YTHDC2: variants seen among roughly 807,000 people sequenced by gnomAD.
YTHDC2 encodes 3'-5' RNA helicase YTHDC2.
In YTHDC2, 45 loss-of-function variants were observed where a neutral mutation model predicts 174.9. That is an observed-to-expected ratio of 0.26 (90% CI 0.20 to 0.33). YTHDC2 has a LOEUF of 0.33. Ranked by LOEUF, YTHDC2 falls within the 10% of genes least tolerant of loss-of-function variation. YTHDC2 has a pLI of 1.00. For synonymous variants in YTHDC2, 657 were observed against 574.5 expected, an observed-to-expected ratio of 1.14 and a Z score of -2.05; for missense variants, 1,650 against 1,723.7, an observed-to-expected ratio of 0.96 and a Z score of 0.76.
In YTHDC2 at chr5:113,581,554, A is replaced by T; in HGVS notation, c.3492A>T (p.Glu1164Asp). The change falls in exon 25 of 30, where the codon GAA becomes GAT. Residue 1164 changes from glutamate (E) to aspartate (D), a missense_variant. Around this residue, in one of 5 missense-constraint regions of YTHDC2, gnomAD observed 913 missense variants for 940.4 expected, o/e 0.97. Transcript: ENST00000161863. ...TTATAGCTGTTTTAAGCACTGAAGA[A>T]CAGTCTGCAGGTTTACAACAACCAT... The part of the protein sequence containing the change: ...RAIIAVLSTE[E>D]QSAGLQQPSG... The T allele has an allele frequency of 6.2e-7, 1 of 1,614,088 alleles. No individual in the cohort carries two copies. The highest frequency in any genetic ancestry group is 8.5e-7 in the Non-Finnish European group (1 of 1,179,940).
intron 23 of YTHDC2, among the ~76,000 whole-genome samples, chr5:113,568,815 A>G (rs1373444546): frequency 6.6e-6 from 1 of 152,152 alleles, no homozygotes; most frequent in East Asian, 1.9e-4. Flanking sequence ...TACTATTGTG[A>G]ATAATGCTGC....
At chr5:113,525,993 G>A (rs1242018906) in intron 3 of YTHDC2, among the ~76,000 whole-genome samples, 1 of 152,104 alleles carries the variant, frequency 6.6e-6, no homozygotes, top group East Asian at 1.9e-4. Flanking sequence ...AAATGTGGAT[G>A]TTGGCTAAAA....
chr5:113,569,789 T>G (rs911221388), intron 23 of YTHDC2, among the ~76,000 whole-genome samples: 1 of 152,312 alleles, frequency 6.6e-6, no homozygotes, highest in East Asian at 1.9e-4. Context: ...ATGCCTCAGC[T>G]TTGTTCTTTT....
At chr5:113,529,223 G>C (rs1023349628) in intron 4 of YTHDC2, among the ~76,000 whole-genome samples, 3 of 152,064 alleles carry the variant, frequency 2.0e-5, no homozygotes, top group Non-Finnish European at 2.9e-5. Context: ...AGACATGGAG[G>C]TTTTATCTTT....
chr5:113,584,705 ACTATAGAT>A (rs1161315010), intron 26 of YTHDC2, among the ~76,000 whole-genome samples: 2 of 151,288 alleles, frequency 1.3e-5, no homozygotes, highest in African/African-American at 4.9e-5. Flanking sequence ...ATGCTTTAAA[ACTATAGAT>A]CATTCACTAC....
intron 25 of YTHDC2, 123 bp from the exon 26 acceptor site, chr5:113,584,179 C>T: frequency 1.3e-6 from 1 of 741,982 alleles, no homozygotes; most frequent in Non-Finnish European, 2.1e-6. Flanking sequence ...TTCCATAAAT[C>T]ATAAGATCAT....
At chr5:113,561,229 G>A in intron 18 of YTHDC2, 44 bp downstream of exon 18, 2 of 1,481,598 alleles carry the variant, frequency 1.3e-6, no homozygotes, top group Non-Finnish European at 1.9e-6. Context: ...TTGGGTGAGG[G>A]AAGTGAGGGG....
chr5:113,518,757 T>C (rs1773660946), intron 2 of YTHDC2, among the ~76,000 whole-genome samples: 1 of 152,172 alleles, frequency 6.6e-6, no homozygotes, highest in African/African-American at 2.4e-5. Context: ...TCCAGACTTA[T>C]TGTGTGATAG....
At chr5:113,515,169 T>G in intron 1 of YTHDC2, 103 bp from the exon 2 acceptor site, 1 of 682,196 alleles carries the variant, frequency 1.5e-6, no homozygotes, top group Non-Finnish European at 2.5e-6. Context: ...GTATAATAAA[T>G]TTGATTGTCT....
chr5:113,551,434 A>G (rs996841663), intron 12 of YTHDC2, among the ~76,000 whole-genome samples: 15 of 152,236 alleles, frequency 9.9e-5, no homozygotes, highest in African/African-American at 3.4e-4. Context: ...TGGATTATTG[A>G]TAATTTATAT....
intron 12 of YTHDC2, among the ~76,000 whole-genome samples, 194 bp downstream of exon 12, chr5:113,549,214 G>T (rs916139661): frequency 1.3e-5 from 2 of 151,988 alleles, no homozygotes; most frequent in African/African-American, 4.8e-5. Flanking sequence ...TCAGTAGAGG[G>T]ATTTCCAATT....
intron 19 of YTHDC2, 86 bp from the exon 20 acceptor site, chr5:113,563,773 T>A: frequency 6.9e-7 from 1 of 1,453,078 alleles, no homozygotes; most frequent in Non-Finnish European, 9.4e-7. Flanking sequence ...ATCTATATTC[T>A]TATTTCTCAT....
intron 12 of YTHDC2, among the ~76,000 whole-genome samples, chr5:113,549,563 T>C (rs1032844727): frequency 2.0e-5 from 3 of 152,030 alleles, no homozygotes; most frequent in Non-Finnish European, 2.9e-5. Flanking sequence ...TACAAAACTA[T>C]AATAAAAGAT....
intron 17 of YTHDC2, among the ~76,000 whole-genome samples, chr5:113,559,568 A>G (rs1173857414): frequency 1.3e-5 from 2 of 152,210 alleles, no homozygotes; most frequent in East Asian, 3.9e-4. Flanking sequence ...TTTGTGCCCT[A>G]GTTGAAGAGG....
chr5:113,590,859 T>C (rs1778967471), intron 26 of YTHDC2, among the ~76,000 whole-genome samples, 182 bp from the exon 27 acceptor site: 1 of 152,222 alleles, frequency 6.6e-6, no homozygotes, highest in African/African-American at 2.4e-5. Flanking sequence ...TGAGTACTTG[T>C]TTTTGGCTAA....
At chr5:113,575,648 A>G (rs951282067) in intron 23 of YTHDC2, among the ~76,000 whole-genome samples, 6 of 152,314 alleles carry the variant, frequency 3.9e-5, no homozygotes, top group African/African-American at 7.2e-5. Context: ...GAAGAGGGCA[A>G]TGATAAGGTT....
At chr5:113,521,853 A>G (rs79967328) in intron 2 of YTHDC2, among the ~76,000 whole-genome samples, 150 of 151,358 alleles carry the variant, frequency 9.9e-4, no homozygotes, top group African/African-American at 3.5e-3. Context: ...ACCCAGAAAA[A>G]TAAATTTACT....
intron 17 of YTHDC2, among the ~76,000 whole-genome samples, chr5:113,558,893 G>T (rs892904592): frequency 6.9e-6 from 1 of 144,276 alleles, no homozygotes; most frequent in Non-Finnish European, 1.5e-5. Flanking sequence ...TTGCACTCCA[G>T]CCTGGGTGAC....
chr5:113,525,968 C>G (rs959056303), intron 3 of YTHDC2, among the ~76,000 whole-genome samples: 1 of 151,982 alleles, frequency 6.6e-6, no homozygotes, highest in African/African-American at 2.4e-5. Context: ...CTTCTTTATT[C>G]CTATCTGTTT....
Sources: allele counts gnomAD v4.1 joint callset (sites outside exome capture counted in the v4.1 genomes callset), GRCh38; gene constraint gnomAD v4.1.1; regional missense constraint gnomAD v4.1.1; transcripts MANE v1.5; gene names NCBI Gene and HGNC (gene_info 2026-07-23, HGNC 2026-07-21).